The following MAP6 variants were observed in gnomAD, a reference collection of about 807,000 sequenced individuals.
The protein encoded by MAP6 is microtubule associated protein 6, also known as microtubule-associated protein 6.
A neutral mutation model predicts 42.4 loss-of-function variants in MAP6; 26 were observed. The ratio of observed to expected loss-of-function variants is 0.61; its 90% CI spans 0.45 to 0.85. MAP6 has a LOEUF of 0.85. Ranked by LOEUF, MAP6 falls within the 40% of genes least tolerant of loss-of-function variation. MAP6 has a pLI of 0.00. For missense variants in MAP6, 966 were observed against 1,099.0 expected (o/e 0.88, Z 1.71); for synonymous variants, 418 against 443.8 (o/e 0.94, Z 0.73).
chr11:75,640,382 G>A (rs1291511799), intron 1 of MAP6, among the ~76,000 whole-genome samples: 1 of 152,164 alleles, frequency 6.6e-6, no homozygotes, highest in Non-Finnish European at 1.5e-5. Context: ...GCATACAAAG[G>A]GAAGGGAATA....
At chr11:75,623,958 C>T (rs1407681061) in intron 1 of MAP6, among the ~76,000 whole-genome samples, 2 of 152,242 alleles carry the variant, frequency 1.3e-5, no homozygotes, top group Admixed American at 6.5e-5. Flanking sequence ...CACACTGTCT[C>T]ACCTGCGGTG....
chr11:75,639,280 T>C (rs963170739), intron 1 of MAP6, among the ~76,000 whole-genome samples: 6 of 152,214 alleles, frequency 3.9e-5, no homozygotes, highest in African/African-American at 1.4e-4. Flanking sequence ...GCCACACTTG[T>C]ACCCCCTAAA....
Position 75,587,905 on chromosome 11 carries a change from C to A in MAP6, c.1596G>T (p.Ser532=). The change falls in exon 4 of 4, where the codon TCG becomes TCT. Residue 532 remains serine (S), a synonymous_variant. Transcript: ENST00000304771. ...ISAPVKDQGP[S]VPVPPKNQSP... ...TTTGATTCTTTGGAGGAACTGGGAC[C>A]GAGGGACCTTGGTCCTTGACTGGTG... is the stretch of plus-strand genomic sequence containing the variant. 2 of 1,614,004 alleles carry A rather than the reference C, an allele frequency of 1.2e-6. No homozygotes were observed. Among genetic ancestry groups the A allele is most frequent in the Non-Finnish European group, 1.7e-6 (2 of 1,179,978 alleles).
chr11:75,645,521 T>G (rs1943541168), intron 1 of MAP6, among the ~76,000 whole-genome samples: 1 of 152,092 alleles, frequency 6.6e-6, no homozygotes, highest in Non-Finnish European at 1.5e-5. Flanking sequence ...TTCTCAGGAA[T>G]GAAAGCACAA....
At chr11:75,630,121 T>A (rs933576514) in intron 1 of MAP6, among the ~76,000 whole-genome samples, 1 of 152,212 alleles carries the variant, frequency 6.6e-6, no homozygotes, top group African/African-American at 2.4e-5. Context: ...ATTGTCTTCA[T>A]CGTGGTCTTC....
At chr11:75,625,091 C>A (rs1325838587) in intron 1 of MAP6, among the ~76,000 whole-genome samples, 2 of 152,146 alleles carry the variant, frequency 1.3e-5, no homozygotes, top group African/African-American at 4.8e-5. Context: ...AATCTCAGGG[C>A]AGTTTTAGAA....
intron 1 of MAP6, among the ~76,000 whole-genome samples, chr11:75,609,724 C>G (rs938867298): frequency 1.3e-5 from 2 of 152,210 alleles, no homozygotes; most frequent in African/African-American, 4.8e-5. Flanking sequence ...TTTAGGGGAA[C>G]TGGCTCATAT....
At chr11:75,600,665 G>A (rs549156944) in intron 3 of MAP6, among the ~76,000 whole-genome samples, 1 of 152,264 alleles carries the variant, frequency 6.6e-6, no homozygotes, top group Admixed American at 6.5e-5. Flanking sequence ...TGGTTCACAG[G>A]TTATATCCTG....
At chr11:75,603,915 C>T (rs989313180) in intron 3 of MAP6, 19 of 985,390 alleles carry the variant, frequency 1.9e-5, no homozygotes, top group Non-Finnish European at 2.3e-5. Flanking sequence ...TCTTGAGAGA[C>T]TGAACATACA....
chr11:75,643,215 G>GTT (rs1467156189), intron 1 of MAP6, among the ~76,000 whole-genome samples: 28 of 150,014 alleles, frequency 1.9e-4, no homozygotes, highest in Non-Finnish European at 4.1e-4. Flanking sequence ...TTATGTATGT[G>GTT]TTTTATATAT....
intron 1 of MAP6, among the ~76,000 whole-genome samples, chr11:75,634,192 G>A (rs989762622): frequency 3.5e-4 from 53 of 152,342 alleles, no homozygotes; most frequent in Middle Eastern, 3.4e-3. Flanking sequence ...TGTAAAGAGC[G>A]TTAAGAGCAC....
At chr11:75,605,337 T>C in intron 3 of MAP6, 1 of 986,134 alleles carries the variant, frequency 1.0e-6, no homozygotes, top group Non-Finnish European at 1.2e-6. Flanking sequence ...ATTTTGTCAA[T>C]TGCTGAAGCC....
chr11:75,608,094 C>T lies in MAP6; in HGVS notation c.1119+15G>A. The T allele has an allele frequency of 6.2e-7, 1 of 1,612,016 alleles. No homozygotes were observed. Among genetic ancestry groups the T allele is most frequent in the Non-Finnish European group, 8.5e-7 (1 of 1,178,996 alleles). On this transcript the variant is annotated intron_variant, in intron 2 of 3. Coordinates refer to ENST00000304771, the MANE Select transcript of MAP6 (RefSeq NM_033063.2). ...TCCAGGCTGTGCTGATGGGTTCCCACAAGGTCTGTCTCACCTTTGGGGGTT... is the reference window on the plus strand; with the variant it reads ...TCCAGGCTGTGCTGATGGGTTCCCATAAGGTCTGTCTCACCTTTGGGGGTT...
intron 1 of MAP6, among the ~76,000 whole-genome samples, chr11:75,620,478 A>C (rs1373558823): frequency 1.3e-5 from 2 of 148,686 alleles, no homozygotes; most frequent in Non-Finnish European, 3.0e-5. Context: ...CTGACTCAAA[A>C]GAGAGAAAAA....
chr11:75,640,796 A>G (rs1342355390), intron 1 of MAP6, among the ~76,000 whole-genome samples: 1 of 152,210 alleles, frequency 6.6e-6, no homozygotes, highest in Non-Finnish European at 1.5e-5. Flanking sequence ...ACCATCTCAC[A>G]CCAGTTAGAA....
chr11:75,621,432 G>A (rs1022814623), intron 1 of MAP6, among the ~76,000 whole-genome samples: 1 of 152,106 alleles, frequency 6.6e-6, no homozygotes, highest in Non-Finnish European at 1.5e-5. Context: ...ATACTCAATG[G>A]TAAAAGACCA....
intron 3 of MAP6, chr11:75,605,140 T>C: frequency 1.0e-6 from 1 of 985,388 alleles, no homozygotes; most frequent in Non-Finnish European, 1.2e-6. Flanking sequence ...GATCTAGTTT[T>C]AGTTATCAGT....
In MAP6 at chr11:75,667,476, G is replaced by A. The variant is rs1438064067; in HGVS notation, c.894C>T (p.Ser298=). 3 of 1,507,720 alleles carry A rather than the reference G, an allele frequency of 2.0e-6. No individual in the cohort carries two copies. The South Asian group carries it at 3.7e-5, about 18-fold the overall frequency. 93.4% of individuals were successfully genotyped at this position (1,507,720 alleles called of 1,614,324 possible). A position where few individuals can be genotyped will look rare whatever the true frequency, so the allele number is the denominator to read the frequency against. ...QIREEVASAV[S]SSYRNEFRAW... ...CGGCCGCGTCTCACCTGTAGGAGCT[G>A]CTCACTGCACTCGCCACCTCCTCGC... Residue 298 remains serine, a synonymous_variant, in exon 1 of 4, where the codon AGC becomes AGT. Coordinates refer to ENST00000304771, the MANE Select transcript of MAP6 (RefSeq NM_033063.2). The surrounding 1 kb of genome is among the most constrained non-coding windows in gnomAD (Gnocchi z 5.6).
chr11:75,657,110 A>AT lies in MAP6; in HGVS notation c.905+10354dup, dbSNP rs60988687. On this transcript the variant is annotated intron_variant, in intron 1 of 3. Transcript: ENST00000304771. ...GCTTTTGGCAATGTGTGGAGACACT[A>AT]TTTTTTTTTTTTTTTTTTTGAGACG... 7.7e-3 allele frequency among the ~76,000 whole-genome samples: 947 copies of AT among 123,282 alleles called. 7 individuals carry two copies. Among genetic ancestry groups the AT allele is most frequent in the African/African-American group, 0.015 (523 of 34,106 alleles). The allele number at this position is 123,282 out of a possible 152,430, so 80.9% of individuals were successfully genotyped here. A position where few individuals can be genotyped will look rare whatever the true frequency, so the allele number is the denominator to read the frequency against.
Sources: gnomAD v4.1 joint callset for allele counts (sites outside exome capture counted in the v4.1 genomes callset) on GRCh38, gnomAD v4.1.1 for gene constraint, Gnocchi (gnomAD v3.1) non-coding constraint, MANE v1.5 for transcripts, NCBI Gene and HGNC (gene_info 2026-07-23, HGNC 2026-07-21) for gene names.